Variants in PDZRN4 observed in about 807,000 individuals in gnomAD.
PDZRN4 encodes PDZ domain-containing RING finger protein 4.
In PDZRN4, 70 loss-of-function variants were observed where a neutral mutation model predicts 99.0. The observed-to-expected ratio is 0.71, with a 90% confidence interval of 0.58 to 0.86. The LOEUF (loss-of-function observed/expected upper bound fraction) is 0.86. Among genes scored for constraint, PDZRN4 ranks in the 40% least tolerant of loss-of-function variants. PDZRN4 has a pLI of 0.00. For synonymous variants in PDZRN4, 551 were observed against 501.6 expected (o/e 1.10, Z -1.32); for missense variants, 1,474 against 1,331.2 (o/e 1.11, Z -1.67).
intron 3 of PDZRN4, among the ~76,000 whole-genome samples, chr12:41,412,726 C>T (rs191010682): frequency 7.9e-5 from 12 of 152,096 alleles, no homozygotes; most frequent in Non-Finnish European, 1.3e-4. Context: ...ATAAAAACTG[C>T]GATAGAACAA....
Position 41,432,867 on chromosome 12 carries a change from T to C in PDZRN4, c.844-73589T>C, listed in dbSNP as rs1383000949. ...ACAGGTAGGGAGATGTAGACGTGTA[T>C]AGAGCAGTTCAGCTTTGCTGGAGCC... On this transcript the variant is annotated intron_variant, in intron 3 of 9. Coordinates refer to ENST00000402685, the MANE Select transcript of PDZRN4 (RefSeq NM_001164595.2). 8.5e-5 allele frequency among the ~76,000 whole-genome samples: 13 copies of C among 152,284 alleles called. No homozygotes were observed. The East Asian group carries it at 2.5e-3, about 29-fold the overall frequency.
chr12:41,458,571 A>G (rs1670516838), intron 3 of PDZRN4, among the ~76,000 whole-genome samples: 2 of 152,336 alleles, frequency 1.3e-5, no homozygotes, highest in South Asian at 4.1e-4. Context: ...TAAGTAGGGC[A>G]GGAAATTTTC....
intron 3 of PDZRN4, among the ~76,000 whole-genome samples, chr12:41,443,724 A>C (rs1419050334): frequency 6.6e-6 from 1 of 152,140 alleles, no homozygotes; most frequent in African/African-American, 2.4e-5. Context: ...TTCAATAGGT[A>C]TGTGGCTCTT....
chr12:41,307,428 C>T (rs1412607559), intron 3 of PDZRN4, among the ~76,000 whole-genome samples: 1 of 152,088 alleles, frequency 6.6e-6, no homozygotes, highest in Non-Finnish European at 1.5e-5. Context: ...TTAAAAGGGA[C>T]TAATCCCATC....
intron 3 of PDZRN4, among the ~76,000 whole-genome samples, chr12:41,197,363 C>A (rs1359565316): frequency 2.0e-5 from 3 of 151,824 alleles, no homozygotes; most frequent in Admixed American, 6.6e-5. Flanking sequence ...TGATAAAATT[C>A]AAGAATAATA....
intron 3 of PDZRN4, among the ~76,000 whole-genome samples, chr12:41,458,732 G>A (rs1262996091): frequency 2.0e-5 from 3 of 152,158 alleles, no homozygotes; most frequent in Admixed American, 2.0e-4. Context: ...AGGGTGGTAT[G>A]TAAGAGAGAC....
At chr12:41,537,687 T>G (rs960162650) in intron 5 of PDZRN4, among the ~76,000 whole-genome samples, 2 of 152,134 alleles carry the variant, frequency 1.3e-5, no homozygotes, top group African/African-American at 4.8e-5. Context: ...CAGGCAGTAA[T>G]GTACCAGGTG....
intron 5 of PDZRN4, among the ~76,000 whole-genome samples, chr12:41,525,600 G>A (rs1025881130): frequency 2.6e-5 from 4 of 151,944 alleles, no homozygotes; most frequent in African/African-American, 7.3e-5. Flanking sequence ...ATAGATATAG[G>A]TATAGACAGA....
chr12:41,479,227 G>C (rs563917599), intron 3 of PDZRN4, among the ~76,000 whole-genome samples: 2 of 152,220 alleles, frequency 1.3e-5, no homozygotes, highest in South Asian at 4.2e-4. Context: ...TTTATTGATA[G>C]AAAGAAAAGC....
chr12:41,506,208 G>C (rs997702109), intron 3 of PDZRN4, among the ~76,000 whole-genome samples: 3 of 152,154 alleles, frequency 2.0e-5, no homozygotes, highest in Admixed American at 2.0e-4. Flanking sequence ...TTTGCTAATA[G>C]TTCTGCTGTT....
intron 3 of PDZRN4, among the ~76,000 whole-genome samples, chr12:41,385,161 T>A (rs545068329): frequency 1.3e-5 from 2 of 152,298 alleles, no homozygotes; most frequent in South Asian, 4.1e-4. Flanking sequence ...TATAGTAGAA[T>A]ATGATAAGTA....
intron 3 of PDZRN4, among the ~76,000 whole-genome samples, chr12:41,470,974 A>G (rs2468314): frequency 0.53 from 80,731 of 152,074 alleles, 22,306 homozygotes; most frequent in African/African-American, 0.7. Flanking sequence ...AAAATGTACA[A>G]TACAAATATG....
intron 3 of PDZRN4, among the ~76,000 whole-genome samples, chr12:41,333,930 G>A (rs1158574108): frequency 6.6e-6 from 1 of 152,104 alleles, no homozygotes; most frequent in Admixed American, 6.6e-5. Context: ...AACATACTGA[G>A]AATTTGAACA....
chr12:41,190,281 C>A (rs1184161573), intron 1 of PDZRN4, among the ~76,000 whole-genome samples: 1 of 152,166 alleles, frequency 6.6e-6, no homozygotes, highest in Non-Finnish European at 1.5e-5. Flanking sequence ...AATGGAAGCA[C>A]GTTGTGTATT....
chr12:41,549,686 A>G (rs1939020028), intron 5 of PDZRN4, among the ~76,000 whole-genome samples: 1 of 152,142 alleles, frequency 6.6e-6, no homozygotes, highest in Admixed American at 6.6e-5. Flanking sequence ...CTAAAGCCTG[A>G]TGGGGTCACA....
chr12:41,269,721 A>G (rs990699329), intron 3 of PDZRN4, among the ~76,000 whole-genome samples: 1 of 152,150 alleles, frequency 6.6e-6, no homozygotes, highest in Non-Finnish European at 1.5e-5. Context: ...CCACTGTATC[A>G]GACTGTGTTG....
chr12:41,399,350 C>G (rs1952273395), intron 3 of PDZRN4, among the ~76,000 whole-genome samples: 2 of 152,116 alleles, frequency 1.3e-5, no homozygotes, highest in Non-Finnish European at 2.9e-5. Flanking sequence ...ATTGCTTATT[C>G]TTTCTGCCTA....
chr12:41,277,184 G>A (rs898317174), intron 3 of PDZRN4, among the ~76,000 whole-genome samples: 4 of 152,136 alleles, frequency 2.6e-5, no homozygotes, highest in African/African-American at 4.8e-5. Flanking sequence ...AGTAATGAGC[G>A]TGCACAGGAA....
In PDZRN4 at chr12:41,366,962, G is replaced by A. The variant is rs11180855; in HGVS notation, c.844-139494G>A. On this transcript the variant is annotated intron_variant, in intron 3 of 9. Coordinates refer to ENST00000402685, the MANE Select transcript of PDZRN4 (RefSeq NM_001164595.2). Reference sequence around the variant, plus strand: ...GAGGGTGCTGGGGTGGTGATACAGAGCATGGATAGTCCTATGAGACTGGTA... The same window carrying A: ...GAGGGTGCTGGGGTGGTGATACAGAACATGGATAGTCCTATGAGACTGGTA... 3.7e-3 allele frequency among the ~76,000 whole-genome samples: 569 copies of A among 152,122 alleles called. 19 individuals are homozygous for A. The East Asian group carries it at 0.09, about 24-fold the overall frequency.
Sources: allele counts gnomAD v4.1 joint callset (sites outside exome capture counted in the v4.1 genomes callset), GRCh38; gene constraint gnomAD v4.1.1; transcripts MANE v1.5; gene names NCBI Gene and HGNC (gene_info 2026-07-23, HGNC 2026-07-21).